PRKN: variants seen among roughly 807,000 people sequenced by gnomAD.
The protein encoded by PRKN is E3 ubiquitin-protein ligase parkin.
PRKN carries 56 observed loss-of-function variants against 59.5 expected under a neutral mutation model. The ratio of observed to expected loss-of-function variants is 0.94; its 90% confidence interval spans 0.76 to 1.18. The LOEUF is 1.18. Among genes scored for constraint, PRKN ranks in the 50% most tolerant of loss-of-function variants. The pLI is 0.00. For missense variants in PRKN, 657 were observed against 596.4 expected (o/e 1.10, Z -1.06); for synonymous variants, 250 against 222.1 (o/e 1.13, Z -1.12).
chr6:162,322,990 A>G (rs974459707), intron 2 of PRKN, among the ~76,000 whole-genome samples: 5 of 147,824 alleles, frequency 3.4e-5, no homozygotes, highest in Non-Finnish European at 5.9e-5. Flanking sequence ...CAAACACCGC[A>G]TATTCTCACT....
intron 9 of PRKN, among the ~76,000 whole-genome samples, chr6:161,425,987 G>A (rs1213757327): frequency 1.3e-5 from 2 of 152,120 alleles, no homozygotes; most frequent in African/African-American, 2.4e-5. Context: ...CCGAGCAGGA[G>A]TGACAGTGGA....
chr6:161,946,408 A>ACTCT (rs1228402383), intron 6 of PRKN, among the ~76,000 whole-genome samples: 1 of 97,614 alleles, frequency 1.0e-5, no homozygotes, highest in African/African-American at 3.5e-5. Flanking sequence ...ACACACACAC[A>ACTCT]CACACACTCT....
intron 2 of PRKN, among the ~76,000 whole-genome samples, chr6:162,368,855 G>C (rs141890148): frequency 5.7e-4 from 87 of 152,286 alleles, no homozygotes; most frequent in African/African-American, 2.0e-3. Flanking sequence ...CCAAACCTGT[G>C]TCTCTGCTGC....
chr6:161,572,955 T>A (rs1439601985), intron 7 of PRKN, among the ~76,000 whole-genome samples: 2 of 152,224 alleles, frequency 1.3e-5, no homozygotes, highest in African/African-American at 4.8e-5. Context: ...CAAAAACTGC[T>A]GTGAAATTCA....
intron 5 of PRKN, among the ~76,000 whole-genome samples, chr6:162,025,674 C>T (rs1313629404): frequency 1.3e-5 from 2 of 148,582 alleles, no homozygotes; most frequent in African/African-American, 5.0e-5. Flanking sequence ...CTGCAACCTC[C>T]GCCTCCCAGG....
chr6:161,921,037 A>G (rs1447505820), intron 6 of PRKN, among the ~76,000 whole-genome samples: 3 of 152,184 alleles, frequency 2.0e-5, no homozygotes, highest in Non-Finnish European at 4.4e-5. Flanking sequence ...TAATTTTTAA[A>G]ACTCTGACAC....
chr6:162,685,393 ATAT>A (rs1315998887), intron 1 of PRKN, among the ~76,000 whole-genome samples: 2 of 152,168 alleles, frequency 1.3e-5, no homozygotes, highest in African/African-American at 4.8e-5. Context: ...AGAAAAGTAT[ATAT>A]TTTTCATACA....
intron 2 of PRKN, among the ~76,000 whole-genome samples, chr6:162,354,125 G>C (rs1784743588): frequency 6.6e-6 from 1 of 152,104 alleles, no homozygotes; most frequent in Admixed American, 6.6e-5. Flanking sequence ...CCTCTGCAAT[G>C]TTATGTATTC....
At chr6:161,643,866 A>C (rs770337814) in intron 7 of PRKN, among the ~76,000 whole-genome samples, 4 of 152,242 alleles carry the variant, frequency 2.6e-5, no homozygotes, top group Non-Finnish European at 5.9e-5. Flanking sequence ...TCCATGGCAT[A>C]AAGTACTTTC....
intron 6 of PRKN, among the ~76,000 whole-genome samples, chr6:161,944,017 G>A (rs906927222): frequency 0.064 from 3,870 of 60,020 alleles, 101 homozygotes; most frequent in East Asian, 0.13. Context: ...CAGCCTGAGG[G>A]ATCAGCCTGA....
At chr6:162,372,786 G>A (rs1161732077) in intron 2 of PRKN, among the ~76,000 whole-genome samples, 1 of 152,088 alleles carries the variant, frequency 6.6e-6, no homozygotes, top group African/African-American at 2.4e-5. Context: ...AGTTAAGAAG[G>A]GGACTTTGCA....
At chr6:161,985,497 A>G (rs55672112) in intron 5 of PRKN, among the ~76,000 whole-genome samples, 11,880 of 152,266 alleles carry the variant, frequency 0.078, 533 homozygotes, top group Middle Eastern at 0.12. Flanking sequence ...TTTACGAGAA[A>G]CTGAGGAGAC....
intron 1 of PRKN, among the ~76,000 whole-genome samples, chr6:162,447,701 T>C (rs1790388814): frequency 6.6e-6 from 1 of 152,112 alleles, no homozygotes. Flanking sequence ...ATAAACTTCA[T>C]AAATATAGTA....
intron 9 of PRKN, among the ~76,000 whole-genome samples, chr6:161,512,807 G>A (rs1778444658): frequency 6.6e-6 from 1 of 152,204 alleles, no homozygotes; most frequent in Non-Finnish European, 1.5e-5. Flanking sequence ...CAGCTATGGG[G>A]GCTGGAAGTT....
intron 1 of PRKN, among the ~76,000 whole-genome samples, chr6:162,643,397 C>A (rs1422199366): frequency 4.7e-3 from 384 of 82,400 alleles, no homozygotes; most frequent in South Asian, 9.2e-3. Flanking sequence ...GACTCTGCCT[C>A]AAAAAAAAAA....
intron 4 of PRKN, among the ~76,000 whole-genome samples, chr6:162,170,847 T>C (rs894162270): frequency 1.3e-5 from 2 of 152,214 alleles, no homozygotes; most frequent in Non-Finnish European, 2.9e-5. Flanking sequence ...ACCAAAGTGA[T>C]TGCTTGTGTC....
intron 3 of PRKN, among the ~76,000 whole-genome samples, chr6:162,243,077 A>T (rs73783466): frequency 0.025 from 3,752 of 152,024 alleles, 164 homozygotes; most frequent in African/African-American, 0.087. Context: ...CACTGTTCTC[A>T]TCAGAGCTAA....
At chr6:161,850,720 T>C (rs1344131179) in intron 6 of PRKN, among the ~76,000 whole-genome samples, 1 of 152,102 alleles carries the variant, frequency 6.6e-6, no homozygotes, top group Non-Finnish European at 1.5e-5. Context: ...GACTCAGGAA[T>C]GTGTTGAAAG....
rs1383602324 is a variant in PRKN at position 161,444,478 on chromosome 6, A to G, written c.1084-57601T>C. 6.6e-6 allele frequency among the ~76,000 whole-genome samples: 1 copy of G among 152,098 alleles called. No individual in the cohort carries two copies. The highest frequency in any genetic ancestry group is 1.5e-5 in the Non-Finnish European group (1 of 68,022). Reference sequence around the variant, plus strand: ...TTCCATTTCCATGCATGCTTTTTCCATTTAGACTAAACTAGCGCTTGGGGT... The same window carrying G: ...TTCCATTTCCATGCATGCTTTTTCCGTTTAGACTAAACTAGCGCTTGGGGT... On this transcript the variant is annotated intron_variant, in intron 9 of 11. Coordinates refer to ENST00000366898, the MANE Select transcript of PRKN (RefSeq NM_004562.3). The surrounding 1 kb of genome is among the most constrained non-coding windows in gnomAD (Gnocchi z 5.6).
Sources: gnomAD v4.1 joint callset for allele counts (sites outside exome capture counted in the v4.1 genomes callset) on GRCh38, gnomAD v4.1.1 for gene constraint, Gnocchi (gnomAD v3.1) non-coding constraint, MANE v1.5 for transcripts, NCBI Gene and HGNC (gene_info 2026-07-23, HGNC 2026-07-21) for gene names.